Variants in CSMD1 observed in about 807,000 individuals in gnomAD.
The protein encoded by CSMD1 is CUB and Sushi multiple domains 1, also known as CUB and sushi domain-containing protein 1.
CSMD1 carries 213 observed loss-of-function variants against 417.5 expected under a neutral mutation model. That is an observed-to-expected ratio of 0.51 (90% CI 0.46 to 0.57). The LOEUF (loss-of-function observed/expected upper bound fraction) is 0.57, where lower values mean the gene tolerates loss of function less well. Ranked by LOEUF, CSMD1 falls within the 20% of genes least tolerant of loss-of-function variation. The pLI, the probability that CSMD1 is intolerant of heterozygous loss-of-function variation, is 0.00. For missense variants in CSMD1, 6,923 were observed against 4,529.7 expected (o/e 1.53, Z -15.17); for synonymous variants, 2,862 against 1,736.8 (o/e 1.65, Z -16.11).
At chr8:4,429,334 A>G (rs138334802) in intron 2 of CSMD1, among the ~76,000 whole-genome samples, 1 of 152,072 alleles carries the variant, frequency 6.6e-6, no homozygotes, top group Non-Finnish European at 1.5e-5. Flanking sequence ...TTACATGTGT[A>G]TATGTGTGTA....
intron 1 of CSMD1, among the ~76,000 whole-genome samples, chr8:4,842,148 C>A (rs1234558995): frequency 6.6e-6 from 1 of 152,134 alleles, no homozygotes; most frequent in Non-Finnish European, 1.5e-5. Context: ...TTAGAACTTG[C>A]AGTATTATTG....
intron 2 of CSMD1, among the ~76,000 whole-genome samples, chr8:4,440,226 A>G (rs1243116913): frequency 6.6e-6 from 1 of 152,210 alleles, no homozygotes; most frequent in Admixed American, 6.5e-5. Context: ...TGCCCTACCT[A>G]TATGTGCATG....
chr8:3,174,862 C>T (rs1820806866), intron 37 of CSMD1, among the ~76,000 whole-genome samples: 1 of 152,052 alleles, frequency 6.6e-6, no homozygotes, highest in Non-Finnish European at 1.5e-5. Flanking sequence ...AAAGAGAAGG[C>T]AGTTTATCAC....
chr8:3,936,049 G>C lies in CSMD1; in HGVS notation c.818+61854C>G, dbSNP rs991931990. Among the ~76,000 whole-genome samples, 3 of 152,270 alleles carry C rather than the reference G, an allele frequency of 2.0e-5. No individual in the cohort carries two copies. In the South Asian group the frequency reaches 6.2e-4, roughly 32 times the overall value. On this transcript the variant is annotated intron_variant, in intron 5 of 69. Transcript: ENST00000635120. ...TTATTGCTGATATGGAGAAAGTTTAGAGTGTCCTGGGTAAAAGACCAAAGC... is the reference window on the plus strand; with the variant it reads ...TTATTGCTGATATGGAGAAAGTTTACAGTGTCCTGGGTAAAAGACCAAAGC...
chr8:3,202,978 T>C (rs1251416916), intron 31 of CSMD1, among the ~76,000 whole-genome samples: 1 of 152,170 alleles, frequency 6.6e-6, no homozygotes, highest in Non-Finnish European at 1.5e-5. Context: ...CAGATCTTGC[T>C]CATACCATCC....
chr8:3,748,533 G>A (rs1261795360), intron 6 of CSMD1, among the ~76,000 whole-genome samples: 1 of 152,108 alleles, frequency 6.6e-6, no homozygotes, highest in Non-Finnish European at 1.5e-5. Context: ...GCACTTTCCA[G>A]GTTCTAGATA....
At chr8:3,483,153 A>G (rs549855539) in intron 11 of CSMD1, among the ~76,000 whole-genome samples, 3 of 152,206 alleles carry the variant, frequency 2.0e-5, no homozygotes, top group East Asian at 1.9e-4. Flanking sequence ...AAATAGATAA[A>G]CAGTAGAAAA....
At chr8:4,248,747 T>A (rs989367516) in intron 3 of CSMD1, among the ~76,000 whole-genome samples, 32 of 152,166 alleles carry the variant, frequency 2.1e-4, no homozygotes, top group African/African-American at 7.5e-4. Flanking sequence ...TGACATTACA[T>A]TACACTTATT....
chr8:3,120,496 T>C (rs1817136518), intron 41 of CSMD1, among the ~76,000 whole-genome samples: 1 of 152,188 alleles, frequency 6.6e-6, no homozygotes, highest in African/African-American at 2.4e-5. Context: ...GTTTCGTTAT[T>C]ATCCATAGCT....
At chr8:3,318,403 T>C (rs1026545456) in intron 23 of CSMD1, among the ~76,000 whole-genome samples, 5 of 152,198 alleles carry the variant, frequency 3.3e-5, no homozygotes, top group Non-Finnish European at 7.3e-5. Flanking sequence ...AAGTGCCTGC[T>C]CGGCTTCAGA....
chr8:3,595,763 T>C (rs1389659898), intron 8 of CSMD1, among the ~76,000 whole-genome samples: 1 of 152,224 alleles, frequency 6.6e-6, no homozygotes, highest in Non-Finnish European at 1.5e-5. Context: ...TGCCATTTGC[T>C]AAACAACAGG....
chr8:4,745,588 T>C (rs1000461815), intron 1 of CSMD1, among the ~76,000 whole-genome samples: 5 of 152,012 alleles, frequency 3.3e-5, no homozygotes, highest in African/African-American at 1.2e-4. Context: ...TCTTAGATGC[T>C]AGAAATAAAG....
At chr8:3,869,693 G>C (rs1442607050) in intron 5 of CSMD1, among the ~76,000 whole-genome samples, 1 of 152,106 alleles carries the variant, frequency 6.6e-6, no homozygotes, top group African/African-American at 2.4e-5. Flanking sequence ...GGTGCGCGCA[G>C]CCAGGAGCAT....
At chr8:4,178,771 T>C (rs1798194904) in intron 3 of CSMD1, among the ~76,000 whole-genome samples, 1 of 152,078 alleles carries the variant, frequency 6.6e-6, no homozygotes, top group African/African-American at 2.4e-5. Flanking sequence ...ATTACAAGCA[T>C]TGTTATACAC....
chr8:2,973,066 G>A lies in CSMD1; in HGVS notation c.8923+51C>T, dbSNP rs1804600008. 26 of 1,557,526 alleles carry A rather than the reference G, an allele frequency of 1.7e-5. No homozygotes were observed. The South Asian group carries it at 2.7e-4, about 16-fold the overall frequency. On this transcript the variant is annotated intron_variant, in intron 57 of 69. Coordinates refer to ENST00000635120, the MANE Select transcript of CSMD1 (RefSeq NM_033225.6). ...AATTTTGCCAGGCATTTTAGAACGA[G>A]CTGTGTGGTTTTAACTTTCAAGGTG...
intron 3 of CSMD1, among the ~76,000 whole-genome samples, chr8:4,036,848 C>G (rs1474115567): frequency 6.6e-6 from 1 of 152,178 alleles, no homozygotes; most frequent in Non-Finnish European, 1.5e-5. Context: ...CCTGTTCTTA[C>G]CATCTCTGCA....
intron 6 of CSMD1, among the ~76,000 whole-genome samples, chr8:3,739,341 A>G (rs1796681080): frequency 6.6e-6 from 1 of 152,220 alleles, no homozygotes; most frequent in Non-Finnish European, 1.5e-5. Context: ...GTTCTATGGC[A>G]CCACAGTGTG....
At chr8:4,809,217 G>T (rs1161168086) in intron 1 of CSMD1, among the ~76,000 whole-genome samples, 1 of 152,212 alleles carries the variant, frequency 6.6e-6, no homozygotes, top group East Asian at 1.9e-4. Context: ...TATTCTTTAG[G>T]AGAAAAGATA....
intron 3 of CSMD1, among the ~76,000 whole-genome samples, chr8:4,283,892 A>G (rs1461681406): frequency 1.3e-5 from 2 of 152,204 alleles, no homozygotes; most frequent in Non-Finnish European, 2.9e-5. Context: ...TGTCTTATAC[A>G]TACATTTTCA....
Sources: allele counts gnomAD v4.1 joint callset (sites outside exome capture counted in the v4.1 genomes callset), GRCh38; gene constraint gnomAD v4.1.1; transcripts MANE v1.5; gene names NCBI Gene and HGNC (gene_info 2026-07-23, HGNC 2026-07-21).